SDK1: variants seen among roughly 807,000 people sequenced by gnomAD.
The protein encoded by SDK1 is sidekick cell adhesion molecule 1, also known as protein sidekick-1.
In SDK1, 157 loss-of-function variants were observed where a neutral mutation model predicts 245.5. The ratio of observed to expected loss-of-function variants is 0.64; its 90% CI spans 0.56 to 0.73. SDK1 has a LOEUF of 0.73. Among genes scored for constraint, SDK1 ranks in the 30% least tolerant of loss-of-function variants. SDK1 has a pLI of 0.00. For synonymous variants in SDK1, 1,647 were observed against 1,278.5 expected (o/e 1.29, Z -6.15); for missense variants, 3,583 against 3,002.3 (o/e 1.19, Z -4.52).
Position 3,589,726 on chromosome 7 carries a change from T to TG in SDK1, c.299-29351dup, listed in dbSNP as rs1200929392. Among the ~76,000 whole-genome samples, 4 of 152,126 alleles carry TG rather than the reference T, an allele frequency of 2.6e-5. No individual in the cohort carries two copies. The South Asian group carries it at 6.2e-4, about 24-fold the overall frequency. On this transcript the variant is annotated intron_variant, in intron 1 of 44. Transcript: ENST00000404826. The stretch of plus-strand genomic sequence containing the variant: ...AGGACTCACTGTCATGAGAACAGCA[T>TG]GGGAAAAAACCACCCCCATGATTCG...
At chr7:4,255,960 C>T (rs1321410379) in intron 44 of SDK1, among the ~76,000 whole-genome samples, 1 of 145,684 alleles carries the variant, frequency 6.9e-6, no homozygotes, top group Non-Finnish European at 1.5e-5. Context: ...TGCTCTGTCA[C>T]CCGGGCTGGA....
intron 1 of SDK1, among the ~76,000 whole-genome samples, chr7:3,387,508 A>G (rs1781639195): frequency 6.6e-6 from 1 of 152,214 alleles, no homozygotes; most frequent in African/African-American, 2.4e-5. Context: ...CACTTCCAAC[A>G]TCATGTAAGA....
Position 3,513,139 on chromosome 7 carries a change from G to C in SDK1, c.299-105941G>C, listed in dbSNP as rs113607029. On this transcript the variant is annotated intron_variant, in intron 1 of 44. Coordinates refer to ENST00000404826, the MANE Select transcript of SDK1 (RefSeq NM_152744.4). ...TTAATAAAAATACTAGCAGCTAACAGTTACTGAGCTCTATGTCTGTGACAG... is the reference window on the plus strand; with the variant it reads ...TTAATAAAAATACTAGCAGCTAACACTTACTGAGCTCTATGTCTGTGACAG... 4.0e-4 allele frequency among the ~76,000 whole-genome samples: 61 copies of C among 152,272 alleles called. 1 individual carries two copies. The highest frequency in any genetic ancestry group is 1.1e-3 in the African/African-American group (45 of 41,560).
intron 1 of SDK1, among the ~76,000 whole-genome samples, chr7:3,572,092 C>A (rs1006338105): frequency 2.6e-5 from 4 of 152,080 alleles, no homozygotes; most frequent in Admixed American, 2.6e-4. Flanking sequence ...ACTTTTACAT[C>A]AGCAAGAAAT....
At chr7:3,552,879 A>C (rs1779460317) in intron 1 of SDK1, among the ~76,000 whole-genome samples, 1 of 152,232 alleles carries the variant, frequency 6.6e-6, no homozygotes, top group Non-Finnish European at 1.5e-5. Flanking sequence ...CTGTTGCATA[A>C]TTATGCTTTC....
At chr7:3,393,527 A>G (rs1781814397) in intron 1 of SDK1, among the ~76,000 whole-genome samples, 2 of 152,300 alleles carry the variant, frequency 1.3e-5, no homozygotes, top group South Asian at 4.1e-4. Flanking sequence ...CAAGTGAAAA[A>G]CAACTCAAGG....
At position 3,301,597 on chromosome 7, in the gene SDK1, G is replaced by A. The variant is rs1779258858; in HGVS notation, c.11G>A (p.Gly4Asp). ...TGGCGGCTGCTCGGCATGGCCCGGG[G>A]CGCCCGGCCCTCGGCGGCCGGTGGC... MARGARPSAAGGGG... is the reference protein window; with the variant it reads MARDARPSAAGGGG... The change falls in exon 1 of 45, where the codon GGC becomes GAC. Residue 4 changes from glycine (G) to aspartate (D), a missense_variant. Transcript: ENST00000404826. The A allele has an allele frequency of 4.1e-6, 4 of 972,822 alleles. No individual in the cohort carries two copies. The highest frequency in any genetic ancestry group is 4.9e-6 in the Non-Finnish European group (4 of 822,734). The allele number at this position is 972,822 out of a possible 1,614,324, so 60.3% of individuals were successfully genotyped here.
At chr7:3,445,756 A>T (rs1470718810) in intron 1 of SDK1, among the ~76,000 whole-genome samples, 2 of 152,182 alleles carry the variant, frequency 1.3e-5, no homozygotes, top group South Asian at 4.1e-4. Flanking sequence ...ATCACATTAG[A>T]CAATATTATT....
intron 17 of SDK1, among the ~76,000 whole-genome samples, chr7:4,032,453 A>G (rs1787888777): frequency 6.6e-6 from 1 of 152,238 alleles, no homozygotes; most frequent in African/African-American, 2.4e-5. Context: ...AAGGTAGTCC[A>G]CAGTCTCCTC....
At chr7:3,661,380 G>A (rs1783350343) in intron 4 of SDK1, among the ~76,000 whole-genome samples, 1 of 152,176 alleles carries the variant, frequency 6.6e-6, no homozygotes, top group Non-Finnish European at 1.5e-5. Context: ...ATTAAAGTTG[G>A]AGAGAAAGGG....
chr7:3,827,969 G>T (rs568614353), intron 5 of SDK1, among the ~76,000 whole-genome samples: 21 of 152,312 alleles, frequency 1.4e-4, no homozygotes, highest in African/African-American at 5.1e-4. Flanking sequence ...AAGCACGTCT[G>T]TCCTAACTAA....
intron 19 of SDK1, among the ~76,000 whole-genome samples, chr7:4,052,132 G>A (rs931836690): frequency 1.3e-5 from 2 of 151,304 alleles, no homozygotes; most frequent in African/African-American, 4.9e-5. Context: ...TCTTCATGTA[G>A]AGTTCAATTT....
intron 5 of SDK1, among the ~76,000 whole-genome samples, chr7:3,865,929 C>T (rs1244065436): frequency 6.6e-6 from 1 of 152,150 alleles, no homozygotes. Context: ...CCTACATAAA[C>T]ACACTTAAAG....
intron 1 of SDK1, among the ~76,000 whole-genome samples, chr7:3,519,156 A>G (rs1782846349): frequency 2.0e-5 from 3 of 152,052 alleles, no homozygotes; most frequent in Non-Finnish European, 4.4e-5. Flanking sequence ...AGAGTGGGGG[A>G]TAGGGAGAGA....
intron 5 of SDK1, among the ~76,000 whole-genome samples, chr7:3,921,410 C>T (rs376295392): frequency 3.3e-5 from 5 of 152,266 alleles, no homozygotes; most frequent in South Asian, 2.1e-4. Context: ...CCACATTAGA[C>T]GGAATGGCAA....
chr7:3,422,604 G>A (rs1779562196), intron 1 of SDK1, among the ~76,000 whole-genome samples: 1 of 152,102 alleles, frequency 6.6e-6, no homozygotes, highest in African/African-American at 2.4e-5. Flanking sequence ...ACCAGCCTGG[G>A]CAACATAGCA....
chr7:4,031,589 C>T lies in SDK1; in HGVS notation c.2602+14237C>T, dbSNP rs185509505. Among the ~76,000 whole-genome samples, 30 of 149,718 alleles carry T rather than the reference C, an allele frequency of 2.0e-4. 1 individual carries two copies. The highest frequency in any genetic ancestry group is 7.0e-4 in the African/African-American group (29 of 41,220). On this transcript the variant is annotated intron_variant, in intron 17 of 44. Transcript: ENST00000404826. ...TAAAGACACACACACTTACATATGT[C>T]AAGAAGTGTACATGTAATTATATGT...
At chr7:3,588,767 T>C (rs1292623540) in intron 1 of SDK1, among the ~76,000 whole-genome samples, 3 of 152,228 alleles carry the variant, frequency 2.0e-5, no homozygotes, top group Non-Finnish European at 2.9e-5. Flanking sequence ...TAGTTTATTA[T>C]ATGTGAGAAA....
At chr7:3,435,575 G>A (rs555791679) in intron 1 of SDK1, among the ~76,000 whole-genome samples, 19 of 151,892 alleles carry the variant, frequency 1.3e-4, no homozygotes, top group African/African-American at 4.6e-4. Context: ...GTGTTGTCCA[G>A]GCTGGTTTCG....
Sources: gnomAD v4.1 joint callset for allele counts (sites outside exome capture counted in the v4.1 genomes callset) on GRCh38, gnomAD v4.1.1 for gene constraint, MANE v1.5 for transcripts, NCBI Gene and HGNC (gene_info 2026-07-23, HGNC 2026-07-21) for gene names.